The following RASA1 variants were observed in gnomAD, a reference collection of about 807,000 sequenced individuals.
The protein encoded by RASA1 is ras GTPase-activating protein 1.
In RASA1, 25 loss-of-function variants were observed where a neutral mutation model predicts 132.2. That is an observed-to-expected ratio of 0.19 (90% CI 0.14 to 0.26). The LOEUF (loss-of-function observed/expected upper bound fraction) is 0.26. RASA1 is among the 10% of genes least tolerant of loss of function. RASA1 has a pLI of 1.00. For synonymous variants in RASA1, 477 were observed against 449.9 expected (o/e 1.06, Z -0.76); for missense variants, 964 against 1,299.2 (o/e 0.74, Z 3.97).
intron 9 of RASA1, among the ~76,000 whole-genome samples, chr5:87,359,292 A>G (rs896186542): frequency 4.6e-5 from 7 of 152,196 alleles, no homozygotes; most frequent in Non-Finnish European, 8.8e-5. Context: ...ACTCTAACCA[A>G]TCAGATTACT....
chr5:87,286,539 C>T (rs946405890), intron 1 of RASA1, among the ~76,000 whole-genome samples: 3 of 151,486 alleles, frequency 2.0e-5, no homozygotes, highest in African/African-American at 7.3e-5. Flanking sequence ...TTTAAAATTA[C>T]TACTTGTGAT....
chr5:87,343,182 T>C (rs1465695036), intron 6 of RASA1, among the ~76,000 whole-genome samples: 1 of 152,194 alleles, frequency 6.6e-6, no homozygotes, highest in East Asian at 1.9e-4. Context: ...ATAACTTTGG[T>C]TGAATTTCTT....
chr5:87,338,671 C>T (rs556881995), intron 5 of RASA1, among the ~76,000 whole-genome samples: 7 of 150,620 alleles, frequency 4.6e-5, no homozygotes, highest in African/African-American at 1.7e-4. Context: ...AGTGCCCGGC[C>T]TATTTGTGCT....
intron 13 of RASA1, among the ~76,000 whole-genome samples, chr5:87,373,787 G>A (rs1425248555): frequency 6.6e-6 from 1 of 151,952 alleles, no homozygotes; most frequent in Non-Finnish European, 1.5e-5. Context: ...TATAACATAC[G>A]GGATTTTAAT....
intron 1 of RASA1, among the ~76,000 whole-genome samples, chr5:87,295,340 A>T (rs1755071233): frequency 6.6e-6 from 1 of 151,926 alleles, no homozygotes; most frequent in African/African-American, 2.4e-5. Flanking sequence ...GTGGTTATTG[A>T]TATAGTTAAA....
At chr5:87,353,318 C>T (rs949569231) in intron 9 of RASA1, 83 bp downstream of exon 9, 2 of 1,092,938 alleles carry the variant, frequency 1.8e-6, no homozygotes, top group Admixed American at 1.8e-5. Context: ...CACATTTGTA[C>T]AATTCAAATT....
chr5:87,334,505 G>A (rs1308344166), intron 4 of RASA1, among the ~76,000 whole-genome samples: 2 of 152,156 alleles, frequency 1.3e-5, no homozygotes, highest in African/African-American at 4.8e-5. Flanking sequence ...CAGCCAAGTT[G>A]ACACATAAAA....
At chr5:87,290,228 G>A (rs1445661018) in intron 1 of RASA1, among the ~76,000 whole-genome samples, 2 of 152,158 alleles carry the variant, frequency 1.3e-5, no homozygotes, top group African/African-American at 2.4e-5. Context: ...AAAAGGCATT[G>A]GATTTAATGG....
chr5:87,299,071 C>T (rs1027673542), intron 1 of RASA1, among the ~76,000 whole-genome samples: 2 of 152,168 alleles, frequency 1.3e-5, no homozygotes, highest in African/African-American at 4.8e-5. Context: ...TCCTACTGCT[C>T]AAGGTCATCG....
intron 7 of RASA1, among the ~76,000 whole-genome samples, chr5:87,348,697 C>T (rs539660757): frequency 6.6e-6 from 1 of 151,178 alleles, no homozygotes; most frequent in East Asian, 1.9e-4. Flanking sequence ...GTATCAAACT[C>T]CTGGGCTCAA....
At chr5:87,300,820 T>A (rs1199465236) in intron 1 of RASA1, among the ~76,000 whole-genome samples, 1 of 151,890 alleles carries the variant, frequency 6.6e-6, no homozygotes, top group Non-Finnish European at 1.5e-5. Context: ...ACAGAGAAAA[T>A]GAAAAATGGT....
At chr5:87,337,296 A>G (rs1652190922) in intron 4 of RASA1, among the ~76,000 whole-genome samples, 1 of 152,028 alleles carries the variant, frequency 6.6e-6, no homozygotes, top group South Asian at 2.1e-4. Flanking sequence ...TAAGTTGTAT[A>G]TGCATCTCTG....
intron 3 of RASA1, among the ~76,000 whole-genome samples, 169 bp from the exon 4 acceptor site, chr5:87,333,098 A>G (rs1163211738): frequency 1.3e-5 from 2 of 152,146 alleles, no homozygotes; most frequent in Non-Finnish European, 2.9e-5. Flanking sequence ...CAGGAACAAC[A>G]AAAAAGCCTT....
At chr5:87,289,765 C>T (rs1754834021) in intron 1 of RASA1, among the ~76,000 whole-genome samples, 1 of 152,064 alleles carries the variant, frequency 6.6e-6, no homozygotes, top group Non-Finnish European at 1.5e-5. Flanking sequence ...TGCATGCCAC[C>T]ATGCCCAGCT....
chr5:87,273,706 T>C (rs886188407), intron 1 of RASA1, among the ~76,000 whole-genome samples: 11 of 151,018 alleles, frequency 7.3e-5, no homozygotes, highest in African/African-American at 1.9e-4. Context: ...TTTTCTTTTT[T>C]TTTTTTTTTG....
intron 1 of RASA1, among the ~76,000 whole-genome samples, chr5:87,310,332 A>G (rs1289721660): frequency 6.6e-6 from 1 of 152,210 alleles, no homozygotes; most frequent in African/African-American, 2.4e-5. Context: ...TTTATCATCA[A>G]AATATTTGCA....
chr5:87,285,117 T>C (rs1754491261), intron 1 of RASA1, among the ~76,000 whole-genome samples: 1 of 151,534 alleles, frequency 6.6e-6, no homozygotes, highest in Admixed American at 6.6e-5. Context: ...CGCCAGGCTG[T>C]AGTGCAGTGG....
intron 1 of RASA1, among the ~76,000 whole-genome samples, chr5:87,287,831 C>CAT (rs1318257049): frequency 8.9e-6 from 1 of 112,558 alleles, no homozygotes; most frequent in African/African-American, 3.8e-5. Context: ...ATACACACAC[C>CAT]ATATATATAC....
At chr5:87,350,994 A>ATTGT (rs1201542020) in intron 8 of RASA1, among the ~76,000 whole-genome samples, 2 of 151,662 alleles carry the variant, frequency 1.3e-5, no homozygotes, top group African/African-American at 4.8e-5. Context: ...CTTTGTGCTT[A>ATTGT]TTGTTTATTG....
Sources: allele counts gnomAD v4.1 joint callset (sites outside exome capture counted in the v4.1 genomes callset), GRCh38; gene constraint gnomAD v4.1.1; transcripts MANE v1.5; gene names NCBI Gene and HGNC (gene_info 2026-07-23, HGNC 2026-07-21).